PYGO1: variants seen among roughly 807,000 people sequenced by gnomAD.
PYGO1 encodes the protein pygopus family PHD finger 1.
A neutral mutation model predicts 29.5 loss-of-function variants in PYGO1; 6 were observed. The ratio of observed to expected loss-of-function variants is 0.20; its 90% CI spans 0.11 to 0.40. The LOEUF (loss-of-function observed/expected upper bound fraction) is 0.40. Ranked by LOEUF, PYGO1 falls within the 10% of genes least tolerant of loss-of-function variation. The pLI is 1.00. For synonymous variants in PYGO1, 186 were observed against 180.5 expected (o/e 1.03, Z -0.24); for missense variants, 515 against 514.9 (o/e 1.00, Z 0.00).
intron 1 of PYGO1, among the ~76,000 whole-genome samples, chr15:55,587,588 C>G (rs1384780117): frequency 6.6e-6 from 1 of 151,942 alleles, no homozygotes; most frequent in Non-Finnish European, 1.5e-5. Flanking sequence ...AGAAAGGATG[C>G]TGCTTGCGGC....
chr15:55,553,440 G>A (rs2058889085), intron 1 of PYGO1, among the ~76,000 whole-genome samples: 1 of 151,708 alleles, frequency 6.6e-6, no homozygotes, highest in African/African-American at 2.4e-5. Flanking sequence ...TCTGTTGCCA[G>A]GCTGGAGTGC....
chr15:55,571,873 G>A (rs1469873983), intron 1 of PYGO1, among the ~76,000 whole-genome samples: 1 of 151,816 alleles, frequency 6.6e-6, no homozygotes, highest in East Asian at 1.9e-4. Flanking sequence ...ACTCCATTTG[G>A]AATTTATTTT....
At chr15:55,562,864 C>T (rs1009589976) in intron 1 of PYGO1, among the ~76,000 whole-genome samples, 2 of 151,942 alleles carry the variant, frequency 1.3e-5, no homozygotes, top group African/African-American at 4.8e-5. Flanking sequence ...GAAGCTGTTA[C>T]CCTCAGCAAA....
chr15:55,562,805 CA>C (rs1463234246), intron 1 of PYGO1, among the ~76,000 whole-genome samples: 1 of 151,866 alleles, frequency 6.6e-6, no homozygotes, highest in Non-Finnish European at 1.5e-5. Context: ...ACTATACAGC[CA>C]AAAAAAGGAA....
At chr15:55,548,572 G>A (rs1190701471) in intron 2 of PYGO1, among the ~76,000 whole-genome samples, 1 of 151,366 alleles carries the variant, frequency 6.6e-6, no homozygotes, top group Non-Finnish European at 1.5e-5. Context: ...TGGGCATGGT[G>A]GCGCGTGCCT....
At position 55,546,976 on chromosome 15, in the gene PYGO1, T is replaced by G; in HGVS notation, c.307A>C (p.Thr103Pro). 6.2e-7 allele frequency: 1 copy of G among 1,614,046 alleles called. No homozygotes were observed. Among genetic ancestry groups the G allele is most frequent in the Non-Finnish European group, 8.5e-7 (1 of 1,179,962 alleles). ...GGAACGTGAGGTGGCATTCTGAATGTACTATAGCCTCCAAAGCCAGGATAA... is the reference window on the plus strand; with the variant it reads ...GGAACGTGAGGTGGCATTCTGAATGGACTATAGCCTCCAAAGCCAGGATAA... ...PGYPGFGGYS[T>P]FRMPPHVPPR... Residue 103 changes from threonine to proline, a missense_variant, in exon 3 of 3, where the codon ACA becomes CCA. Coordinates refer to ENST00000563719, the MANE Select transcript of PYGO1 (RefSeq NM_001367806.1).
chr15:55,546,625 G>C lies in PYGO1; in HGVS notation c.658C>G (p.His220Asp), dbSNP rs1247395979. 3 of 1,613,980 alleles carry C rather than the reference G, an allele frequency of 1.9e-6. No homozygotes were observed. The highest frequency in any genetic ancestry group is 2.2e-5 in the East Asian group (1 of 44,878). Reference sequence around the variant, plus strand: ...GTGTTTGGGGGAGGAATAAAAGAATGATTAGATTCTAACGGAGAAGTAAAA... The same window carrying C: ...GTGTTTGGGGGAGGAATAAAAGAATCATTAGATTCTAACGGAGAAGTAAAA... ...SNFTSPLESN[H>D]SFIPPPNTFG... is the part of the protein sequence containing the mutation. Residue 220 changes from histidine to aspartate, a missense_variant, in exon 3 of 3, where the codon CAT becomes GAT. Physicochemically the swap from His to Asp is moderately conservative, Grantham distance 81. Coordinates refer to ENST00000563719, the MANE Select transcript of PYGO1 (RefSeq NM_001367806.1).
chr15:55,584,939 G>C (rs1451465998), intron 1 of PYGO1, among the ~76,000 whole-genome samples: 1 of 152,150 alleles, frequency 6.6e-6, no homozygotes, highest in Non-Finnish European at 1.5e-5. Flanking sequence ...GTATGCATAA[G>C]GAGCACCTGG....
At chr15:55,579,674 T>C (rs1666591628) in intron 1 of PYGO1, among the ~76,000 whole-genome samples, 1 of 152,054 alleles carries the variant, frequency 6.6e-6, no homozygotes, top group Non-Finnish European at 1.5e-5. Flanking sequence ...AACCACCACA[T>C]CCAGCCCACA....
chr15:55,561,918 C>G (rs2058934424), intron 1 of PYGO1, among the ~76,000 whole-genome samples: 1 of 152,086 alleles, frequency 6.6e-6, no homozygotes, highest in Non-Finnish European at 1.5e-5. Context: ...GAACAGACAA[C>G]CTACAGAATA....
At chr15:55,549,598 G>C (rs1373383162) in intron 1 of PYGO1, among the ~76,000 whole-genome samples, 1 of 152,168 alleles carries the variant, frequency 6.6e-6, no homozygotes, top group African/African-American at 2.4e-5. Flanking sequence ...TGCCTTTAGA[G>C]AGATTTACAA....
chr15:55,563,231 A>G (rs921719586), intron 1 of PYGO1, among the ~76,000 whole-genome samples: 8 of 152,198 alleles, frequency 5.3e-5, no homozygotes, highest in African/African-American at 1.9e-4. Flanking sequence ...AGAATATATG[A>G]ATAATTCTTA....
At chr15:55,563,797 C>G (rs1160629718) in intron 1 of PYGO1, among the ~76,000 whole-genome samples, 1 of 151,946 alleles carries the variant, frequency 6.6e-6, no homozygotes, top group Non-Finnish European at 1.5e-5. Flanking sequence ...CACAAATGGC[C>G]AAGAAACACA....
In PYGO1 at chr15:55,588,088, C is replaced by A. The variant is rs2059057525; in HGVS notation, c.-205G>T. 1.0e-5 allele frequency: 10 copies of A among 994,398 alleles called. No homozygotes were observed. The highest frequency in any genetic ancestry group is 1.2e-5 in the Non-Finnish European group (10 of 830,154). The allele number at this position is 994,398 out of a possible 1,614,324, so 61.6% of individuals were successfully genotyped here. A position where few individuals can be genotyped will look rare whatever the true frequency, so the allele number is the denominator to read the frequency against. On this transcript the variant is annotated 5_prime_UTR_variant, in exon 1 of 3. Coordinates refer to ENST00000563719, the MANE Select transcript of PYGO1 (RefSeq NM_001367806.1). Reference sequence around the variant, plus strand: ...GCCTCGGGGCGGCGGGGCGGCGGGGCGGCGTGCGGGCACCGGCGGGGCTCA... The same window carrying A: ...GCCTCGGGGCGGCGGGGCGGCGGGGAGGCGTGCGGGCACCGGCGGGGCTCA...
chr15:55,556,443 A>G (rs906819329), intron 1 of PYGO1, among the ~76,000 whole-genome samples: 3 of 152,158 alleles, frequency 2.0e-5, no homozygotes, highest in African/African-American at 7.2e-5. Context: ...AGTTCTTCGA[A>G]ACTAATGAGA....
At chr15:55,569,345 GT>G (rs1475648456) in intron 1 of PYGO1, among the ~76,000 whole-genome samples, 1 of 151,912 alleles carries the variant, frequency 6.6e-6, no homozygotes, top group Admixed American at 6.6e-5. Flanking sequence ...GTTTGTTCTT[GT>G]TTTTCTAGTT....
chr15:55,563,500 C>T (rs112822175), intron 1 of PYGO1, among the ~76,000 whole-genome samples: 4,433 of 151,426 alleles, frequency 0.029, 227 homozygotes, highest in African/African-American at 0.1. Context: ...GTGAATAGTG[C>T]GCCACCATGC....
intron 1 of PYGO1, among the ~76,000 whole-genome samples, chr15:55,582,938 T>A (rs540355366): frequency 2.3e-4 from 35 of 152,318 alleles, no homozygotes; most frequent in African/African-American, 8.4e-4. Context: ...GTCTATATTT[T>A]CTTGTAAAGT....
intron 1 of PYGO1, among the ~76,000 whole-genome samples, chr15:55,573,422 A>C (rs1362451174): frequency 6.6e-6 from 1 of 152,206 alleles, no homozygotes; most frequent in African/African-American, 2.4e-5. Context: ...CATTAAAGAG[A>C]AGCCTGGAAG....
Sources: gnomAD v4.1 joint callset for allele counts (sites outside exome capture counted in the v4.1 genomes callset) on GRCh38, gnomAD v4.1.1 for gene constraint, MANE v1.5 for transcripts, NCBI Gene and HGNC (gene_info 2026-07-23, HGNC 2026-07-21) for gene names.